STAG1: variants seen among roughly 807,000 people sequenced by gnomAD.
STAG1 encodes the protein cohesin subunit SA-1.
Under a neutral mutation model 170.9 loss-of-function variants are expected in STAG1, and 26 were observed. The ratio of observed to expected loss-of-function variants is 0.15; its 90% CI spans 0.11 to 0.21. The LOEUF (loss-of-function observed/expected upper bound fraction) is 0.21. STAG1 is among the 10% of genes least tolerant of loss of function. STAG1 has a pLI of 1.00. For missense variants in STAG1, 964 were observed against 1,509.5 expected (o/e 0.64, Z 5.99); for synonymous variants, 514 against 497.7 (o/e 1.03, Z -0.44).
At position 136,700,414 on chromosome 3, in the gene STAG1, T is replaced by A. The variant is rs184197319; in HGVS notation, c.-84+51781A>T. Among the ~76,000 whole-genome samples the A allele has an allele frequency of 1.1e-3, 170 of 150,286 alleles. 1 individual carries two copies. Among genetic ancestry groups the A allele is most frequent in the Non-Finnish European group, 2.7e-4 (18 of 67,662 alleles). ...AATGAACATATACAACTAAATTACT[T>A]CTTCTTTTTTTTTTTTTTATTTGAG... On this transcript the variant is annotated intron_variant, in intron 1 of 33. Transcript: ENST00000383202.
chr3:136,671,965 T>A (rs1941992946), intron 1 of STAG1, among the ~76,000 whole-genome samples: 1 of 152,192 alleles, frequency 6.6e-6, no homozygotes, highest in Non-Finnish European at 1.5e-5. Flanking sequence ...AACTAATATT[T>A]TCATCATCAG....
chr3:136,631,147 C>T (rs1940313878), intron 1 of STAG1, among the ~76,000 whole-genome samples, 166 bp from the exon 2 acceptor site: 1 of 152,040 alleles, frequency 6.6e-6, no homozygotes, highest in African/African-American at 2.4e-5. Context: ...TTCATAACTG[C>T]CAAAACTTGG....
At chr3:136,384,198 C>G (rs1024171875) in intron 22 of STAG1, among the ~76,000 whole-genome samples, 3 of 151,972 alleles carry the variant, frequency 2.0e-5, no homozygotes, top group Admixed American at 6.6e-5. Flanking sequence ...TGCCTGTAAT[C>G]TTAGCACTTT....
chr3:136,432,162 A>G (rs2088321695), intron 16 of STAG1, among the ~76,000 whole-genome samples: 2 of 151,972 alleles, frequency 1.3e-5, no homozygotes, highest in African/African-American at 4.8e-5. Context: ...ATGTTTTTCT[A>G]TTGTCTCTTT....
intron 2 of STAG1, among the ~76,000 whole-genome samples, chr3:136,625,243 T>C (rs1460866429): frequency 1.3e-5 from 2 of 152,240 alleles, no homozygotes; most frequent in Admixed American, 1.3e-4. Flanking sequence ...AAATGCTCTT[T>C]TAGGCTCATT....
At chr3:136,464,398 G>A (rs997279211) in intron 13 of STAG1, among the ~76,000 whole-genome samples, 26 of 151,402 alleles carry the variant, frequency 1.7e-4, no homozygotes, top group African/African-American at 6.3e-4. Context: ...ACTGTAGTCT[G>A]GGCAACAAGA....
rs1342485374 is a variant in STAG1, at chr3:136,530,145, T to C, written c.472-8728A>G. Reference sequence around the variant, plus strand: ...AAAACAGTCATAAAGACAAAGGTCATTATATAATGATAAAGAGATTAATTC... The same window carrying C: ...AAAACAGTCATAAAGACAAAGGTCACTATATAATGATAAAGAGATTAATTC... On this transcript the variant is annotated intron_variant, in intron 6 of 33. Transcript: ENST00000383202. 2.0e-5 allele frequency among the ~76,000 whole-genome samples: 3 copies of C among 152,304 alleles called. No homozygotes were observed. In the South Asian group the frequency reaches 6.2e-4, roughly 32 times the overall value.
At chr3:136,556,577 TTTTGTTTG>T (rs879474826) in intron 5 of STAG1, among the ~76,000 whole-genome samples, 1 of 152,058 alleles carries the variant, frequency 6.6e-6, no homozygotes, top group Non-Finnish European at 1.5e-5. Flanking sequence ...TTCGTTTTTT[TTTTGTTTG>T]TTTGTTTGTT....
rs570385785 is a variant in STAG1, at chr3:136,357,084, A to T, written c.3065+636T>A. Among the ~76,000 whole-genome samples, 12 of 152,170 alleles carry T rather than the reference A, an allele frequency of 7.9e-5. No homozygotes were observed. In the East Asian group the frequency reaches 2.3e-3, roughly 29 times the overall value. Reference sequence around the variant, plus strand: ...TGCCTCACCCTCCTGAGTAGCTGGGACTACAGGCACCCGCCACCACGCCCG... The same window carrying T: ...TGCCTCACCCTCCTGAGTAGCTGGGTCTACAGGCACCCGCCACCACGCCCG... On this transcript the variant is annotated intron_variant, in intron 28 of 33. Transcript: ENST00000383202.
intron 1 of STAG1, among the ~76,000 whole-genome samples, chr3:136,719,126 C>T (rs980952867): frequency 1.3e-5 from 2 of 152,036 alleles, no homozygotes; most frequent in Non-Finnish European, 2.9e-5. Flanking sequence ...TCACAACAGC[C>T]AAATGTTTGA....
intron 28 of STAG1, among the ~76,000 whole-genome samples, chr3:136,353,671 G>T (rs2108273366): frequency 6.6e-6 from 1 of 152,288 alleles, no homozygotes; most frequent in East Asian, 1.9e-4. Context: ...CTCCCAAAAT[G>T]CTGGGTTTAC....
rs1935677554 is a variant in STAG1 at position 136,336,298 on chromosome 3, A to C, written c.*1956T>G. 1 of 152,206 alleles carries C rather than the reference A, an allele frequency of 6.6e-6. No individual in the cohort carries two copies. The highest frequency in any genetic ancestry group is 6.5e-5 in the Admixed American group (1 of 15,284). 9.4% of individuals were successfully genotyped at this position (152,206 alleles called of 1,614,324 possible). ...CAGTTTCAAATTGTACAAAAGGAAA[A>C]AAAACCTCATATTGCAAATGTACAA... On this transcript the variant is annotated 3_prime_UTR_variant, in exon 34 of 34. Transcript: ENST00000383202.
At chr3:136,495,537 C>G (rs1221189346) in intron 9 of STAG1, among the ~76,000 whole-genome samples, 1 of 152,054 alleles carries the variant, frequency 6.6e-6, no homozygotes, top group Non-Finnish European at 1.5e-5. Context: ...GAATATCAGC[C>G]AGGTGTGGTG....
intron 25 of STAG1, 55 bp downstream of exon 25, chr3:136,366,888 T>A: frequency 6.9e-7 from 1 of 1,439,320 alleles, no homozygotes; most frequent in Non-Finnish European, 9.5e-7. Flanking sequence ...TCCTTTCAAT[T>A]GCTAATTTCT....
chr3:136,522,161 T>G (rs564720071), intron 6 of STAG1, among the ~76,000 whole-genome samples: 2 of 152,192 alleles, frequency 1.3e-5, no homozygotes, highest in African/African-American at 4.8e-5. Flanking sequence ...CAAGGTTGCC[T>G]GAATATTCTC....
At chr3:136,397,135 C>G (rs903204398) in intron 22 of STAG1, among the ~76,000 whole-genome samples, 1 of 152,158 alleles carries the variant, frequency 6.6e-6, no homozygotes, top group African/African-American at 2.4e-5. Flanking sequence ...AGGAGATACA[C>G]AAACATACTA....
intron 1 of STAG1, among the ~76,000 whole-genome samples, chr3:136,691,723 AC>A (rs898336595): frequency 3.9e-5 from 6 of 152,338 alleles, no homozygotes; most frequent in African/African-American, 1.2e-4. Context: ...ACTAGTTATA[AC>A]TTTTCTTTAG....
intron 4 of STAG1, among the ~76,000 whole-genome samples, chr3:136,575,839 A>T (rs1336802034): frequency 6.6e-6 from 1 of 152,212 alleles, no homozygotes; most frequent in African/African-American, 2.4e-5. Flanking sequence ...CACAGGCAAG[A>T]ACTTGTTAGC....
intron 7 of STAG1, among the ~76,000 whole-genome samples, chr3:136,508,797 C>T (rs1336849423): frequency 6.6e-6 from 1 of 152,264 alleles, no homozygotes; most frequent in African/African-American, 2.4e-5. Context: ...GGGTACCCTA[C>T]AAATTTCCGA....
Sources: gnomAD v4.1 joint callset for allele counts (sites outside exome capture counted in the v4.1 genomes callset) on GRCh38, gnomAD v4.1.1 for gene constraint, MANE v1.5 for transcripts, NCBI Gene and HGNC (gene_info 2026-07-23, HGNC 2026-07-21) for gene names.